Variants in PHF24 observed in about 807,000 individuals in gnomAD.
PHF24 encodes PHD finger protein 24, also known as Galpha inhibitory interacting protein.
In PHF24, 25 loss-of-function variants were observed where a neutral mutation model predicts 42.6. The ratio of observed to expected loss-of-function variants is 0.59; its 90% confidence interval spans 0.43 to 0.82. The LOEUF (loss-of-function observed/expected upper bound fraction) is 0.82, where lower values mean the gene tolerates loss of function less well. Ranked by LOEUF, PHF24 falls within the 40% of genes least tolerant of loss-of-function variation. The pLI, the probability that PHF24 is intolerant of heterozygous loss-of-function variation, is 0.00. For missense variants in PHF24, 470 were observed against 538.1 expected (o/e 0.87, Z 1.25); for synonymous variants, 185 against 204.8 (o/e 0.90, Z 0.83).
chr9:34,821,282 T>C, the PHF24 span, among the ~76,000 whole-genome samples: 1 of 152,372 alleles, frequency 6.6e-6, no homozygotes, highest in East Asian at 1.9e-4. Flanking sequence ...TTTATTTATT[T>C]CTTTCTCCTT....
At position 34,977,603 on chromosome 9, in the gene PHF24, T is replaced by G. The variant is rs377513712; in HGVS notation, c.1068T>G (p.Ser356Arg). The G allele has an allele frequency of 1.8e-4, 285 of 1,606,246 alleles. No homozygotes were observed. The highest frequency in any genetic ancestry group is 2.4e-4 in the Non-Finnish European group (278 of 1,176,472). ...GCCCAGCCAGCAGCAGCAGCAAGAG[T>G]CAGGACAAGACCCTGCTGCCCACAG... Residue 356 changes from serine to arginine, a missense_variant, in exon 7 of 8, where the codon AGT becomes AGG. Physicochemically the swap from Ser to Arg is moderately radical, Grantham distance 110. Transcript: ENST00000242315.
the PHF24 span, chr9:34,917,376 C>T: frequency 1.3e-6 from 1 of 777,302 alleles, no homozygotes. Context: ...CTCTATAGTA[C>T]TTTACAGTCT....
the PHF24 span, among the ~76,000 whole-genome samples, chr9:34,815,910 G>A: frequency 3.3e-5 from 5 of 151,932 alleles, no homozygotes; most frequent in Non-Finnish European, 7.4e-5. Context: ...GCTCCTCAGG[G>A]GACAGGTTTG....
At chr9:34,944,105 C>G in the PHF24 span, among the ~76,000 whole-genome samples, 4 of 152,234 alleles carry the variant, frequency 2.6e-5, no homozygotes, top group Admixed American at 2.6e-4. Flanking sequence ...TTCTACTTCA[C>G]TCAACATTGG....
the PHF24 span, among the ~76,000 whole-genome samples, chr9:34,853,637 G>A: frequency 6.6e-6 from 1 of 151,906 alleles, no homozygotes; most frequent in South Asian, 2.1e-4. Flanking sequence ...GACCATCCCA[G>A]CTAAAACGGT....
At chr9:34,904,751 G>A in the PHF24 span, among the ~76,000 whole-genome samples, 1 of 136,526 alleles carries the variant, frequency 7.3e-6, no homozygotes, top group South Asian at 2.6e-4. Context: ...AATGAATTAG[G>A]GAGGGTTCCT....
the PHF24 span, among the ~76,000 whole-genome samples, chr9:34,934,351 C>T: frequency 6.6e-6 from 1 of 152,168 alleles, no homozygotes; most frequent in Admixed American, 6.5e-5. Context: ...ACATCTACAA[C>T]AACAGTAATT....
chr9:34,722,131 G>T, the PHF24 span, among the ~76,000 whole-genome samples: 109 of 152,270 alleles, frequency 7.2e-4, 1 homozygote, highest in Non-Finnish European at 1.1e-3. Flanking sequence ...GGACCATCAG[G>T]CTTCTGTGTT....
At chr9:34,897,807 T>G in the PHF24 span, among the ~76,000 whole-genome samples, 1 of 152,142 alleles carries the variant, frequency 6.6e-6, no homozygotes, top group Non-Finnish European at 1.5e-5. Context: ...CTATTTGTAG[T>G]TTTTTATCCC....
At chr9:34,733,152 T>C in the PHF24 span, among the ~76,000 whole-genome samples, 2 of 152,216 alleles carry the variant, frequency 1.3e-5, no homozygotes, top group Non-Finnish European at 2.9e-5. Flanking sequence ...TCTGTAAGGG[T>C]GCCTCTCTTC....
At chr9:34,833,996 G>A in the PHF24 span, 1 of 1,548,344 alleles carries the variant, frequency 6.5e-7, no homozygotes, top group Non-Finnish European at 8.7e-7. Context: ...TTTCTCAATG[G>A]CTTCCACAGA....
chr9:34,793,958 A>T, the PHF24 span, among the ~76,000 whole-genome samples: 1 of 151,578 alleles, frequency 6.6e-6, no homozygotes, highest in African/African-American at 2.4e-5. Flanking sequence ...GAAGTGGTCC[A>T]TAGAGTGGGA....
chr9:34,909,869 T>C, the PHF24 span, among the ~76,000 whole-genome samples: 10 of 152,118 alleles, frequency 6.6e-5, no homozygotes, highest in Non-Finnish European at 1.2e-4. Flanking sequence ...CCTCGTGATC[T>C]GCCCGCCTTA....
chr9:34,840,249 G>C, the PHF24 span, among the ~76,000 whole-genome samples: 2 of 152,066 alleles, frequency 1.3e-5, no homozygotes, highest in Admixed American at 1.3e-4. Flanking sequence ...CCTCATCCTT[G>C]TCTCTCATCT....
At chr9:34,976,823 TG>T in intron 5 of PHF24, 83 bp downstream of exon 5, 1 of 1,219,156 alleles carries the variant, frequency 8.2e-7, no homozygotes. Flanking sequence ...GGGGGAGCAC[TG>T]GGTCCTGCTC....
chr9:34,691,241 T>C, the PHF24 span: 1 of 981,272 alleles, frequency 1.0e-6, no homozygotes, highest in Non-Finnish European at 1.6e-6. Context: ...GATGCAGGGG[T>C]GAAATGCAAG....
chr9:34,784,310 C>T, the PHF24 span, among the ~76,000 whole-genome samples: 2 of 152,178 alleles, frequency 1.3e-5, no homozygotes, highest in Non-Finnish European at 2.9e-5. Context: ...GTGATGTTCT[C>T]AACTAGGAGT....
the PHF24 span, among the ~76,000 whole-genome samples, chr9:34,862,239 C>T: frequency 1.3e-5 from 2 of 152,200 alleles, no homozygotes; most frequent in Non-Finnish European, 2.9e-5. Context: ...GGAACTGCAA[C>T]TCTTAAGCAA....
At chr9:34,965,859 T>A (rs1826750728) in intron 1 of PHF24, among the ~76,000 whole-genome samples, 1 of 152,238 alleles carries the variant, frequency 6.6e-6, no homozygotes, top group African/African-American at 2.4e-5. Context: ...TTTCCTCTAA[T>A]GAATCGTTCT....
Sources: allele counts gnomAD v4.1 joint callset (sites outside exome capture counted in the v4.1 genomes callset), GRCh38; gene constraint gnomAD v4.1.1; transcripts MANE v1.5; gene names NCBI Gene and HGNC (gene_info 2026-07-23, HGNC 2026-07-21).